Variants in CXCL13 observed in about 807,000 individuals in gnomAD.
CXCL13 encodes the protein C-X-C motif chemokine ligand 13.
CXCL13 carries 7 observed loss-of-function variants against 12.2 expected under a neutral mutation model. The ratio of observed to expected loss-of-function variants is 0.57; its 90% CI spans 0.33 to 1.07. CXCL13 has a LOEUF of 1.07. CXCL13 is among the 50% of genes least tolerant of loss of function. CXCL13 has a pLI of 0.04. For missense variants in CXCL13, 113 were observed against 127.4 expected (o/e 0.89, Z 0.55); for synonymous variants, 47 against 42.4 (o/e 1.11, Z -0.42).
At chr4:77,520,313 C>T (rs1371853248) in intron 1 of CXCL13, among the ~76,000 whole-genome samples, 1 of 152,126 alleles carries the variant, frequency 6.6e-6, no homozygotes, top group Non-Finnish European at 1.5e-5. Context: ...GGCAATATGA[C>T]CATTTTCAAG....
At chr4:77,576,071 A>T (rs1429247260) in intron 1 of CXCL13, among the ~76,000 whole-genome samples, 1 of 151,878 alleles carries the variant, frequency 6.6e-6, no homozygotes, top group African/African-American at 2.4e-5. Context: ...AAGATGGTTT[A>T]TAATCAGCTA....
intron 1 of CXCL13, among the ~76,000 whole-genome samples, chr4:77,558,021 A>C (rs1000364852): frequency 5.3e-5 from 8 of 152,182 alleles, no homozygotes; most frequent in African/African-American, 1.7e-4. Flanking sequence ...CTAGAATTTC[A>C]AGTCGCATAC....
intron 1 of CXCL13, 107 bp from the exon 2 acceptor site, chr4:77,607,596 G>C: frequency 3.7e-6 from 4 of 1,090,296 alleles, no homozygotes; most frequent in Non-Finnish European, 5.3e-6. Flanking sequence ...GCACTGACTT[G>C]AAACTTTTAA....
At chr4:77,523,328 G>A (rs1003685027) in intron 1 of CXCL13, among the ~76,000 whole-genome samples, 4 of 152,102 alleles carry the variant, frequency 2.6e-5, no homozygotes, top group African/African-American at 7.2e-5. Context: ...CCATTCTCCC[G>A]ATCACTTTCA....
At position 77,522,514 on chromosome 4, in the gene CXCL13, C is replaced by CTTTTTTTT. The variant is rs777857811; in HGVS notation, c.-43+10749_-43+10756dup. ...TCAGAGACTAGGACTGCAACCCCTG[C>CTTTTTTTT]TTTTTTTTTTTTTTTTTTTTTTTTT... On this transcript the variant is annotated intron_variant, in intron 1 of 4. Coordinates refer to the CXCL13 transcript ENST00000286758. Among the ~76,000 whole-genome samples, 58 of 10,088 alleles carry CTTTTTTTT rather than the reference C, an allele frequency of 5.7e-3. 17 individuals carry two copies. Among genetic ancestry groups the CTTTTTTTT allele is most frequent in the African/African-American group, 0.011 (28 of 2,558 alleles). The allele number at this position is 10,088 out of a possible 152,430, so 6.6% of individuals were successfully genotyped here. A position where few individuals can be genotyped will look rare whatever the true frequency, so the allele number is the denominator to read the frequency against.
chr4:77,525,036 T>C (rs563472212), intron 1 of CXCL13, among the ~76,000 whole-genome samples: 5 of 152,308 alleles, frequency 3.3e-5, no homozygotes, highest in African/African-American at 9.6e-5. Flanking sequence ...AAGTGGTGAA[T>C]GGATTAGTGT....
At chr4:77,594,512 C>A (rs1049338255) in intron 1 of CXCL13, among the ~76,000 whole-genome samples, 1 of 151,930 alleles carries the variant, frequency 6.6e-6, no homozygotes, top group Non-Finnish European at 1.5e-5. Flanking sequence ...TGGGCATCAA[C>A]ATAGCTCAAA....
At chr4:77,606,025 CTAAA>C in intron 1 of CXCL13, 96 bp downstream of exon 1, 1 of 764,502 alleles carries the variant, frequency 1.3e-6, no homozygotes, top group South Asian at 2.8e-5. Flanking sequence ...GGAAGTCTGA[CTAAA>C]GGGGGAAAAA....
chr4:77,558,318 G>A (rs766074821), intron 1 of CXCL13, among the ~76,000 whole-genome samples: 1 of 152,184 alleles, frequency 6.6e-6, no homozygotes, highest in Non-Finnish European at 1.5e-5. Flanking sequence ...CTTTGAGCAA[G>A]GGGAGAGGGC....
At chr4:77,576,660 T>C (rs142697564) in intron 1 of CXCL13, among the ~76,000 whole-genome samples, 1 of 150,842 alleles carries the variant, frequency 6.6e-6, no homozygotes, top group Non-Finnish European at 1.5e-5. Context: ...TCATAGGTAT[T>C]TGATGGCAAA....
chr4:77,526,343 T>C (rs1018680018), intron 1 of CXCL13, among the ~76,000 whole-genome samples: 1 of 152,116 alleles, frequency 6.6e-6, no homozygotes, highest in Non-Finnish European at 1.5e-5. Flanking sequence ...GAAACATTCA[T>C]CTAATATGCT....
Position 77,607,822 on chromosome 4 carries a change from A to G in CXCL13, c.184A>G (p.Arg62Gly). The change falls in exon 2 of 4, where the codon AGA becomes GGA. Residue 62 changes from arginine to glycine, a missense_variant. Arg to Gly is a moderately radical substitution (Grantham distance 125). Coordinates refer to ENST00000682537, the MANE Select transcript of CXCL13 (RefSeq NM_001371558.1). The part of the protein sequence containing the change: ...QILPRGNGCP[R>G]KEIIVWKKNK... ...CTTGCCCCGTGGGAATGGTTGTCCA[A>G]GAAAAGAAATCATGTAAGTTTCAAG... The G allele has an allele frequency of 6.2e-7, 1 of 1,614,010 alleles. No homozygotes were observed. The highest frequency in any genetic ancestry group is 2.2e-5 in the East Asian group (1 of 44,856).
intron 1 of CXCL13, among the ~76,000 whole-genome samples, chr4:77,539,597 G>A (rs904376724): frequency 6.6e-6 from 1 of 152,184 alleles, no homozygotes; most frequent in East Asian, 1.9e-4. Flanking sequence ...CTCACTTGAG[G>A]CATTCTTCTT....
At chr4:77,533,652 C>G (rs112185484) in intron 1 of CXCL13, among the ~76,000 whole-genome samples, 3 of 152,170 alleles carry the variant, frequency 2.0e-5, no homozygotes, top group African/African-American at 7.2e-5. Context: ...TAGCGGTAGG[C>G]AGGCCTCCTT....
At chr4:77,574,973 G>A (rs1560530534) in intron 1 of CXCL13, among the ~76,000 whole-genome samples, 4 of 151,936 alleles carry the variant, frequency 2.6e-5, no homozygotes, top group Admixed American at 2.6e-4. Flanking sequence ...GGGCTAAAGG[G>A]TTGTTTTGAA....
At chr4:77,542,676 G>C (rs1009173900) in intron 1 of CXCL13, among the ~76,000 whole-genome samples, 1 of 152,142 alleles carries the variant, frequency 6.6e-6, no homozygotes, top group Non-Finnish European at 1.5e-5. Flanking sequence ...TTATTGATTT[G>C]CATGTGTGGC....
intron 1 of CXCL13, among the ~76,000 whole-genome samples, chr4:77,562,859 AAAAC>A (rs1325092417): frequency 2.0e-5 from 3 of 152,126 alleles, no homozygotes; most frequent in Non-Finnish European, 4.4e-5. Flanking sequence ...AGCTCTCTGT[AAAAC>A]ACACCAATCA....
chr4:77,522,251 T>C (rs1724620680), intron 1 of CXCL13, among the ~76,000 whole-genome samples: 1 of 150,996 alleles, frequency 6.6e-6, no homozygotes, highest in Admixed American at 6.6e-5. Flanking sequence ...CCGAGTTCAA[T>C]TCCTGGATAT....
intron 1 of CXCL13, among the ~76,000 whole-genome samples, chr4:77,531,602 G>T (rs1398560749): frequency 2.0e-5 from 3 of 152,090 alleles, no homozygotes; most frequent in African/African-American, 7.2e-5. Flanking sequence ...GGATATCCTT[G>T]TTAACTTTCT....
Sources: allele counts gnomAD v4.1 joint callset (sites outside exome capture counted in the v4.1 genomes callset), GRCh38; gene constraint gnomAD v4.1.1; transcripts MANE v1.5; gene names NCBI Gene and HGNC (gene_info 2026-07-23, HGNC 2026-07-21).